The following FBXO24 variants were observed in gnomAD, a reference collection of about 807,000 sequenced individuals.
FBXO24 encodes the protein F-box only protein 24.
FBXO24 carries 30 observed loss-of-function variants against 63.5 expected under a neutral mutation model. That is an observed-to-expected ratio of 0.47 (90% CI 0.35 to 0.64). FBXO24 has a LOEUF of 0.64. Ranked by LOEUF, FBXO24 falls within the 30% of genes least tolerant of loss-of-function variation. The probability of loss-of-function intolerance (pLI) is 0.00; values close to 1 mark genes in which losing one functional copy is unlikely to be tolerated. For synonymous variants in FBXO24, 300 were observed against 305.0 expected, an observed-to-expected ratio of 0.98 and a Z score of 0.17; for missense variants, 624 against 763.4, an observed-to-expected ratio of 0.82 and a Z score of 2.15.
chr7:100,590,967 G>A (rs1298474024), intron 3 of FBXO24, among the ~76,000 whole-genome samples: 2 of 151,788 alleles, frequency 1.3e-5, no homozygotes, highest in Admixed American at 1.3e-4. Context: ...AGGATGACCG[G>A]CCTTCATCAA....
intron 8 of FBXO24, among the ~76,000 whole-genome samples, chr7:100,596,937 G>C (rs979733083): frequency 6.6e-6 from 1 of 152,144 alleles, no homozygotes; most frequent in African/African-American, 2.4e-5. Context: ...AGCTACTCGG[G>C]AGTCTGAGGC....
Position 100,595,091 on chromosome 7 carries a change from T to C in FBXO24, c.953-11T>C, listed in dbSNP as rs769651449. The stretch of plus-strand genomic sequence containing the variant: ...CCAAAGCTGCTGAGCTGAGGGCTCC[T>C]GACCCCCCAGACCAGGGGGGAGTGT... On this transcript the variant is annotated splice_polypyrimidine_tract_variant and intron_variant, in intron 6 of 9. Transcript: ENST00000241071. 1 of 1,613,864 alleles carries C rather than the reference T, an allele frequency of 6.2e-7. No homozygotes were observed. The highest frequency in any genetic ancestry group is 8.5e-7 in the Non-Finnish European group (1 of 1,179,836).
chr7:100,589,273 C>A, intron 1 of FBXO24: 1 of 463,596 alleles, frequency 2.2e-6, no homozygotes, highest in Non-Finnish European at 2.9e-6. Context: ...TACTCTTGAG[C>A]TACCAATCCC....
intron 5 of FBXO24, 25 bp downstream of exon 5, chr7:100,593,042 G>C (rs747171534): frequency 6.2e-7 from 1 of 1,601,766 alleles, no homozygotes; most frequent in East Asian, 2.2e-5. Flanking sequence ...AATGGCTTTT[G>C]CAAACTGTTT....
At chr7:100,592,432 T>G (rs1018425094) in intron 4 of FBXO24, 2 of 295,516 alleles carry the variant, frequency 6.8e-6, no homozygotes, top group African/African-American at 4.3e-5. Flanking sequence ...CAGGGAAAAC[T>G]GCCTTATAAA....
At chr7:100,586,726 C>G (rs760577909) in intron 1 of FBXO24, 62 bp downstream of exon 1, 3 of 1,580,336 alleles carry the variant, frequency 1.9e-6, no homozygotes, top group Non-Finnish European at 2.6e-6. Context: ...CGGCCGGGAA[C>G]GCAGTTCGCC....
Position 100,590,672 on chromosome 7 carries a change from C to T in FBXO24, c.322+315C>T, listed in dbSNP as rs566448546. 1.5e-3 allele frequency among the ~76,000 whole-genome samples: 227 copies of T among 152,316 alleles called. 2 individuals carry two copies. In the South Asian group the frequency reaches 0.029, roughly 20 times the overall value. On this transcript the variant is annotated intron_variant, in intron 3 of 9. Coordinates refer to ENST00000241071, the MANE Select transcript of FBXO24 (RefSeq NM_033506.3). ...TCCTCTAACCCAAGGCTTCTGAACT[C>T]ACTGTTGATATTCTGGGCAAAATAA...
chr7:100,599,330 T>C (rs1398357940), intron 8 of FBXO24, among the ~76,000 whole-genome samples: 2 of 151,996 alleles, frequency 1.3e-5, no homozygotes, highest in African/African-American at 4.8e-5. Context: ...TCCCAGCACT[T>C]TGGGAGGCCA....
At chr7:100,598,369 G>T (rs1457982443) in intron 8 of FBXO24, among the ~76,000 whole-genome samples, 1 of 152,106 alleles carries the variant, frequency 6.6e-6, no homozygotes, top group African/African-American at 2.4e-5. Flanking sequence ...TTACTTATCA[G>T]TGTCTTCAGA....
chr7:100,589,786 G>T (rs1801911690), intron 1 of FBXO24, 191 bp from the exon 2 acceptor site: 1 of 1,529,750 alleles, frequency 6.5e-7, no homozygotes. Context: ...CGGGAGGAGG[G>T]GCTCCGGGTG....
In FBXO24 at chr7:100,586,596, C is replaced by G; in HGVS notation, c.-30C>G. 1 of 1,613,800 alleles carries G rather than the reference C, an allele frequency of 6.2e-7. No homozygotes were observed. The highest frequency in any genetic ancestry group is 2.2e-5 in the East Asian group (1 of 44,892). On this transcript the variant is annotated 5_prime_UTR_variant, in exon 1 of 10. Coordinates refer to ENST00000241071, the MANE Select transcript of FBXO24 (RefSeq NM_033506.3). ...CGAAGGGAATCTGGACCTGCCTCTT[C>G]TCTGAGGGACGGCTCTACCTACCAA...
intron 8 of FBXO24, 123 bp downstream of exon 8, chr7:100,595,829 C>A: frequency 1.5e-6 from 2 of 1,372,672 alleles, no homozygotes; most frequent in Non-Finnish European, 2.0e-6. Context: ...AGTTAAGCCA[C>A]TCAGTATGTA....
At chr7:100,589,639 A>T (rs1169027117) in intron 1 of FBXO24, 2 of 1,486,244 alleles carry the variant, frequency 1.3e-6, no homozygotes, top group Non-Finnish European at 1.8e-6. Flanking sequence ...TAGGCTGGGG[A>T]CATGGTGTGG....
chr7:100,592,391 A>G (rs1802074241), intron 4 of FBXO24: 3 of 260,640 alleles, frequency 1.2e-5, no homozygotes, highest in Non-Finnish European at 2.2e-5. Context: ...CACGTCTTAC[A>G]TGGCAGCAGG....
At chr7:100,591,636 C>T in intron 3 of FBXO24, 31 bp from the exon 4 acceptor site, 2 of 1,605,720 alleles carry the variant, frequency 1.2e-6, no homozygotes, top group Non-Finnish European at 1.7e-6. Flanking sequence ...CATCTCATCC[C>T]TTGAACCTTC....
rs1248097102 is a variant in FBXO24, at chr7:100,600,700, T to C, written c.1544T>C (p.Met515Thr). 1.9e-6 allele frequency: 3 copies of C among 1,614,020 alleles called. No homozygotes were observed. Among genetic ancestry groups the C allele is most frequent in the East Asian group, 2.2e-5 (1 of 44,880 alleles). ...AGAGCACCCCAGGACCCCGGGGGGA[T>C]GGCCCAGGCCTGCGAGGAGTACCTC... ...GARAPQDPGGMAQACEEYLSQ... is the reference protein window; with the variant it reads ...GARAPQDPGGTAQACEEYLSQ... Residue 515 changes from methionine (M) to threonine (T), a missense_variant, in exon 10 of 10, where the codon ATG becomes ACG. By Grantham distance (81) the Met-to-Thr change is moderately conservative. This residue lies in a region of FBXO24 where 216 missense variants were observed against 245.2 expected (regional missense o/e 0.88). Transcript: ENST00000241071. The surrounding 1 kb of genome is among the most constrained non-coding windows in gnomAD (Gnocchi z 6.3).
Position 100,586,583 on chromosome 7 carries a change from G to A in FBXO24, c.-43G>A. The A allele has an allele frequency of 6.2e-7, 1 of 1,610,854 alleles. No individual in the cohort carries two copies. Among genetic ancestry groups the A allele is most frequent in the Non-Finnish European group, 8.5e-7 (1 of 1,177,174 alleles). On this transcript the variant is annotated 5_prime_UTR_variant, in exon 1 of 10. Transcript: ENST00000241071. ...CAATTAGAGCCTCCGAAGGGAATCT[G>A]GACCTGCCTCTTCTCTGAGGGACGG...
At position 100,594,313 on chromosome 7, in the gene FBXO24, G is replaced by A. The variant is rs1802185946; in HGVS notation, c.794-70G>A. ...AAATGTGTCACCCATATGGCCTAGG[G>A]AGTCTCTTGGGATGTTTATGTGGAT... is the stretch of plus-strand genomic sequence containing the variant. On this transcript the variant is annotated intron_variant, in intron 5 of 9. Coordinates refer to ENST00000241071, the MANE Select transcript of FBXO24 (RefSeq NM_033506.3). The surrounding 1 kb of genome is among the most constrained non-coding windows in gnomAD (Gnocchi z 4.2). The A allele has an allele frequency of 6.4e-7, 1 of 1,564,908 alleles. No individual in the cohort carries two copies. The highest frequency in any genetic ancestry group is 1.4e-5 in the African/African-American group (1 of 73,264).
chr7:100,593,577 G>A (rs1021994404), intron 5 of FBXO24, among the ~76,000 whole-genome samples: 3 of 148,994 alleles, frequency 2.0e-5, no homozygotes, highest in Admixed American at 6.8e-5. Flanking sequence ...GCAGTGAGCC[G>A]AGATCACGCC....
Sources: gnomAD v4.1 joint callset for allele counts (sites outside exome capture counted in the v4.1 genomes callset) on GRCh38, gnomAD v4.1.1 for gene constraint, gnomAD v4.1.1 regional missense constraint, Gnocchi (gnomAD v3.1) non-coding constraint, MANE v1.5 for transcripts, NCBI Gene and HGNC (gene_info 2026-07-23, HGNC 2026-07-21) for gene names.